Variants in TSNAX observed in about 807,000 individuals in gnomAD.
TSNAX encodes the protein translin associated factor X.
Under a neutral mutation model 33.0 loss-of-function variants are expected in TSNAX, and 12 were observed. The observed-to-expected ratio is 0.36, with a 90% CI of 0.23 to 0.59. The LOEUF is 0.59. Among genes scored for constraint, TSNAX ranks in the 20% least tolerant of loss-of-function variants. The pLI is 0.74. For missense variants in TSNAX, 267 were observed against 341.3 expected (o/e 0.78, Z 1.72); for synonymous variants, 110 against 117.2 (o/e 0.94, Z 0.40).
intron 2 of TSNAX, among the ~76,000 whole-genome samples, chr1:231,532,287 G>A (rs1047640177): frequency 6.6e-6 from 1 of 151,578 alleles, no homozygotes; most frequent in Non-Finnish European, 1.5e-5. Context: ...AGCCTCTTGG[G>A]CTCAAGTGAT....
At chr1:231,564,254 T>A (rs762306980) in intron 5 of TSNAX, among the ~76,000 whole-genome samples, 17 of 152,234 alleles carry the variant, frequency 1.1e-4, no homozygotes, top group Non-Finnish European at 1.8e-4. Context: ...CAAGTGGAGT[T>A]GGAAATAGTT....
Position 231,528,707 on chromosome 1 carries a change from T to C in TSNAX, c.-104T>C, listed in dbSNP as rs544675204. The C allele has an allele frequency of 7.8e-6, 11 of 1,419,296 alleles. No individual in the cohort carries two copies. The highest frequency in any genetic ancestry group is 1.1e-5 in the Non-Finnish European group (11 of 1,011,360). 87.9% of individuals were successfully genotyped at this position (1,419,296 alleles called of 1,614,324 possible). The stretch of plus-strand genomic sequence containing the variant: ...TGTAGTCGGCCCGGCTGCAAAGCGT[T>C]TTTCTGCAGGCTGTTTTCCCAGGTT... On this transcript the variant is annotated 5_prime_UTR_variant, in exon 1 of 6. Transcript: ENST00000366639.
chr1:231,531,914 C>T (rs1329150198), intron 2 of TSNAX, among the ~76,000 whole-genome samples: 1 of 151,878 alleles, frequency 6.6e-6, no homozygotes, highest in East Asian at 1.9e-4. Context: ...CCACAATTAG[C>T]TGGGCATGAC....
intron 4 of TSNAX, among the ~76,000 whole-genome samples, chr1:231,551,305 A>G (rs1481021184): frequency 6.6e-6 from 1 of 152,166 alleles, no homozygotes; most frequent in African/African-American, 2.4e-5. Flanking sequence ...GTAAGAGGTA[A>G]GGCTTGCTCA....
intron 2 of TSNAX, among the ~76,000 whole-genome samples, chr1:231,531,335 A>T (rs1193723399): frequency 6.6e-6 from 1 of 152,172 alleles, no homozygotes; most frequent in Non-Finnish European, 1.5e-5. Flanking sequence ...TCTCAAGCCG[A>T]CTTGGTGACC....
intron 1 of TSNAX, 87 bp from the exon 2 acceptor site, chr1:231,529,168 T>G: frequency 7.2e-7 from 1 of 1,385,020 alleles, no homozygotes; most frequent in Non-Finnish European, 1.0e-6. Context: ...GTATCTGGTT[T>G]TAAAGCAAGG....
Position 231,565,776 on chromosome 1 carries a change from A to C in TSNAX, c.*871A>C, listed in dbSNP as rs1262605978. 2 of 152,180 alleles carry C rather than the reference A, an allele frequency of 1.3e-5. No homozygotes were observed. The highest frequency in any genetic ancestry group is 2.4e-5 in the African/African-American group (1 of 41,442). 9.4% of individuals were successfully genotyped at this position (152,180 alleles called of 1,614,324 possible). ...TACAAGTTTATAAAGTATTATAGTG[A>C]AAAATTCGCATTCTGGCTGATTTTA... On this transcript the variant is annotated 3_prime_UTR_variant, in exon 6 of 6. Coordinates refer to ENST00000366639, the MANE Select transcript of TSNAX (RefSeq NM_005999.3).
intron 3 of TSNAX, among the ~76,000 whole-genome samples, chr1:231,540,300 T>A (rs778943049): frequency 9.9e-5 from 15 of 152,050 alleles, no homozygotes; most frequent in Non-Finnish European, 1.8e-4. Flanking sequence ...CATAGATAAC[T>A]CTTCTTCAGT....
intron 4 of TSNAX, among the ~76,000 whole-genome samples, chr1:231,560,562 C>T (rs1399049063): frequency 6.6e-6 from 1 of 151,250 alleles, no homozygotes; most frequent in African/African-American, 2.4e-5. Flanking sequence ...TTACGGGCTC[C>T]TGCCACCACA....
intron 4 of TSNAX, among the ~76,000 whole-genome samples, chr1:231,548,279 A>T (rs1660079910): frequency 6.6e-6 from 1 of 152,234 alleles, no homozygotes; most frequent in African/African-American, 2.4e-5. Flanking sequence ...TTCTGTATAA[A>T]CCCTACTATG....
intron 2 of TSNAX, among the ~76,000 whole-genome samples, chr1:231,531,240 G>A (rs982161399): frequency 2.0e-5 from 3 of 152,106 alleles, no homozygotes; most frequent in African/African-American, 7.2e-5. Flanking sequence ...TTACAGGCGT[G>A]AGCCACTGCG....
At chr1:231,532,800 G>T (rs1658853429) in intron 2 of TSNAX, among the ~76,000 whole-genome samples, 1 of 152,032 alleles carries the variant, frequency 6.6e-6, no homozygotes, top group Non-Finnish European at 1.5e-5. Flanking sequence ...TATTTTAGTT[G>T]AGCCTTTTTG....
Position 231,565,034 on chromosome 1 carries a change from A to G in TSNAX, c.*129A>G. 1 of 1,153,034 alleles carries G rather than the reference A, an allele frequency of 8.7e-7. No individual in the cohort carries two copies. The highest frequency in any genetic ancestry group is 1.2e-6 in the Non-Finnish European group (1 of 834,742). The allele number at this position is 1,153,034 out of a possible 1,614,324, so 71.4% of individuals were successfully genotyped here. A position where few individuals can be genotyped will look rare whatever the true frequency, so the allele number is the denominator to read the frequency against. On this transcript the variant is annotated 3_prime_UTR_variant, in exon 6 of 6. Coordinates refer to ENST00000366639, the MANE Select transcript of TSNAX (RefSeq NM_005999.3). ...AAACATATTCAGTTGTACTTGTTTT[A>G]AATTGTATACAAGCTGTACATAAAA...
chr1:231,550,237 A>AT (rs989574731), intron 4 of TSNAX, among the ~76,000 whole-genome samples: 1 of 152,132 alleles, frequency 6.6e-6, no homozygotes, highest in Admixed American at 6.5e-5. Flanking sequence ...TCCATAACAG[A>AT]TACTTTTTGG....
At chr1:231,534,089 A>G (rs374083650) in intron 2 of TSNAX, 74 of 152,286 alleles carry the variant, frequency 4.9e-4, no homozygotes, top group Admixed American at 1.6e-3. Flanking sequence ...TTTCTTGACA[A>G]TGATATTGAT....
chr1:231,554,431 A>G (rs199790667), intron 4 of TSNAX, among the ~76,000 whole-genome samples: 21 of 152,200 alleles, frequency 1.4e-4, no homozygotes, highest in Non-Finnish European at 2.8e-4. Context: ...GAGAGGGCCA[A>G]GGAGCAAAGT....
intron 2 of TSNAX, among the ~76,000 whole-genome samples, chr1:231,533,815 A>T (rs1658954052): frequency 6.6e-6 from 1 of 152,164 alleles, no homozygotes; most frequent in Non-Finnish European, 1.5e-5. Context: ...CATGCATCAT[A>T]CCCCTTTACT....
rs1399043638 is a variant in TSNAX at position 231,565,018 on chromosome 1, C to T, written c.*113C>T. On this transcript the variant is annotated 3_prime_UTR_variant, in exon 6 of 6. Coordinates refer to ENST00000366639, the MANE Select transcript of TSNAX (RefSeq NM_005999.3). ...TGTGGCTTTTACATAGAAACATATT[C>T]AGTTGTACTTGTTTTAAATTGTATA... The T allele has an allele frequency of 7.9e-7, 1 of 1,271,728 alleles. No homozygotes were observed. The highest frequency in any genetic ancestry group is 1.1e-6 in the Non-Finnish European group (1 of 933,636). 78.8% of individuals were successfully genotyped at this position (1,271,728 alleles called of 1,614,324 possible). A position where few individuals can be genotyped will look rare whatever the true frequency, so the allele number is the denominator to read the frequency against.
intron 4 of TSNAX, among the ~76,000 whole-genome samples, chr1:231,557,878 A>G (rs1399103051): frequency 6.6e-6 from 1 of 152,168 alleles, no homozygotes; most frequent in Non-Finnish European, 1.5e-5. Flanking sequence ...AGGAAACAGA[A>G]ATTAGATGGT....
Sources: allele counts gnomAD v4.1 joint callset (sites outside exome capture counted in the v4.1 genomes callset), GRCh38; gene constraint gnomAD v4.1.1; transcripts MANE v1.5; gene names NCBI Gene and HGNC (gene_info 2026-07-23, HGNC 2026-07-21).